NAALADL2: variants seen among roughly 807,000 people sequenced by gnomAD.
NAALADL2 encodes inactive N-acetylated-alpha-linked acidic dipeptidase-like protein 2.
Under a neutral mutation model 87.2 loss-of-function variants are expected in NAALADL2, and 76 were observed. The ratio of observed to expected loss-of-function variants is 0.87; its 90% confidence interval spans 0.72 to 1.05. NAALADL2 has a LOEUF of 1.05. Among genes scored for constraint, NAALADL2 ranks in the 50% least tolerant of loss-of-function variants. NAALADL2 has a pLI of 0.00. For missense variants in NAALADL2, 1,089 were observed against 945.8 expected (o/e 1.15, Z -1.99); for synonymous variants, 354 against 331.0 (o/e 1.07, Z -0.75).
intron 9 of NAALADL2, among the ~76,000 whole-genome samples, chr3:175,573,197 G>T (rs1447670383): frequency 6.6e-6 from 1 of 152,158 alleles, no homozygotes; most frequent in Non-Finnish European, 1.5e-5. Context: ...CTGAGCATGG[G>T]TGGATGTTAA....
At chr3:175,189,621 T>C (rs367801108) in intron 2 of NAALADL2, among the ~76,000 whole-genome samples, 14 of 152,294 alleles carry the variant, frequency 9.2e-5, no homozygotes, top group African/African-American at 3.4e-4. Context: ...AAAATCAATA[T>C]TGTTAAAGTG....
intron 10 of NAALADL2, among the ~76,000 whole-genome samples, chr3:175,589,422 TCTTTC>T (rs976266970): frequency 6.6e-6 from 1 of 152,066 alleles, no homozygotes; most frequent in Non-Finnish European, 1.5e-5. Context: ...TTTTCTTCCT[TCTTTC>T]CTTCTCTCCT....
intron 3 of NAALADL2, among the ~76,000 whole-genome samples, chr3:174,808,726 C>G (rs1423957681): frequency 6.6e-6 from 1 of 151,936 alleles, no homozygotes; most frequent in African/African-American, 2.4e-5. Flanking sequence ...GATGAAAAAA[C>G]TAGAATTTGC....
chr3:175,675,755 C>G (rs987901938), intron 11 of NAALADL2: 3 of 152,176 alleles, frequency 2.0e-5, no homozygotes, highest in Non-Finnish European at 4.4e-5. Flanking sequence ...ATACTCATGA[C>G]AGGTCACCTG....
intron 2 of NAALADL2, among the ~76,000 whole-genome samples, chr3:175,125,726 C>G (rs1456129764): frequency 1.3e-5 from 2 of 152,010 alleles, no homozygotes; most frequent in Non-Finnish European, 2.9e-5. Flanking sequence ...GTTCGAGAAG[C>G]CTACTAGACA....
intron 4 of NAALADL2, among the ~76,000 whole-genome samples, chr3:175,280,043 AAC>A (rs1357789572): frequency 1.3e-5 from 2 of 151,548 alleles, no homozygotes; most frequent in Non-Finnish European, 2.9e-5. Context: ...TAAAAAAAAA[AAC>A]AGTTTTAAAT....
intron 9 of NAALADL2, among the ~76,000 whole-genome samples, chr3:175,540,874 C>G (rs1712198397): frequency 6.6e-6 from 1 of 151,964 alleles, no homozygotes; most frequent in South Asian, 2.1e-4. Flanking sequence ...ATTAAAGAGC[C>G]AAAGATTTCT....
intron 3 of NAALADL2, among the ~76,000 whole-genome samples, chr3:174,771,198 A>C (rs1234649972): frequency 1.3e-5 from 2 of 152,218 alleles, no homozygotes; most frequent in Admixed American, 6.5e-5. Flanking sequence ...GATTAGAGGC[A>C]AAGCATCTGA....
intron 9 of NAALADL2, among the ~76,000 whole-genome samples, chr3:175,536,154 C>T (rs1015184413): frequency 6.6e-6 from 1 of 152,120 alleles, no homozygotes; most frequent in Non-Finnish European, 1.5e-5. Context: ...AGCAGAGTGC[C>T]CTTGAATCGT....
chr3:175,663,340 G>A (rs1297067076), intron 11 of NAALADL2, among the ~76,000 whole-genome samples: 1 of 151,508 alleles, frequency 6.6e-6, no homozygotes, highest in Non-Finnish European at 1.5e-5. Flanking sequence ...TCATATAATA[G>A]TCCAATTTGT....
chr3:175,661,831 A>G (rs116749224), intron 11 of NAALADL2, among the ~76,000 whole-genome samples: 392 of 152,070 alleles, frequency 2.6e-3, no homozygotes, highest in Non-Finnish European at 5.0e-3. Flanking sequence ...TGGGTTCTCT[A>G]TGCTGTTCCA....
At chr3:175,716,427 C>G (rs892034644) in intron 11 of NAALADL2, among the ~76,000 whole-genome samples, 1 of 150,988 alleles carries the variant, frequency 6.6e-6, no homozygotes, top group African/African-American at 2.4e-5. Flanking sequence ...GCCGACTGCT[C>G]TAAGAGATAA....
intron 9 of NAALADL2, among the ~76,000 whole-genome samples, chr3:175,527,977 T>A (rs1485332051): frequency 6.6e-6 from 1 of 152,118 alleles, no homozygotes; most frequent in Non-Finnish European, 1.5e-5. Context: ...ATCTTGTTGA[T>A]TCTCAAGAGA....
chr3:175,241,978 C>T (rs1197958744), intron 3 of NAALADL2, among the ~76,000 whole-genome samples: 1 of 146,218 alleles, frequency 6.8e-6, no homozygotes, highest in Non-Finnish European at 1.5e-5. Context: ...TCTCTTGCCT[C>T]AGCCTCCCAA....
At chr3:174,979,790 T>C (rs1352025149) in intron 1 of NAALADL2, among the ~76,000 whole-genome samples, 1 of 152,202 alleles carries the variant, frequency 6.6e-6, no homozygotes, top group Non-Finnish European at 1.5e-5. Flanking sequence ...AAAATGCTTC[T>C]CTTACTATTA....
chr3:175,360,080 T>C (rs1764810403), intron 5 of NAALADL2, among the ~76,000 whole-genome samples: 1 of 152,130 alleles, frequency 6.6e-6, no homozygotes, highest in African/African-American at 2.4e-5. Context: ...ATGCACTTCA[T>C]CTCTACTCCC....
chr3:175,201,101 T>C (rs1739952587), intron 2 of NAALADL2, among the ~76,000 whole-genome samples: 1 of 152,168 alleles, frequency 6.6e-6, no homozygotes, highest in East Asian at 1.9e-4. Flanking sequence ...AATAACACAA[T>C]GTTTTTGTTT....
At chr3:174,441,729 T>TC (rs1383114117) in intron 1 of NAALADL2, among the ~76,000 whole-genome samples, 1 of 151,766 alleles carries the variant, frequency 6.6e-6, no homozygotes, top group Admixed American at 6.6e-5. Context: ...TCTTTGCTTT[T>TC]TTTTTTTTTT....
intron 1 of NAALADL2, among the ~76,000 whole-genome samples, chr3:175,012,709 A>G (rs1750011773): frequency 6.6e-6 from 1 of 152,014 alleles, no homozygotes; most frequent in Non-Finnish European, 1.5e-5. Context: ...CTGCTTTCAC[A>G]CTACAGTGGA....
Sources: gnomAD v4.1 joint callset for allele counts (sites outside exome capture counted in the v4.1 genomes callset) on GRCh38, gnomAD v4.1.1 for gene constraint, MANE v1.5 for transcripts, NCBI Gene and HGNC (gene_info 2026-07-23, HGNC 2026-07-21) for gene names.